The following TLL2 variants were observed in gnomAD, a reference collection of about 807,000 sequenced individuals.
TLL2 encodes the protein tolloid like 2.
TLL2 carries 106 observed loss-of-function variants against 123.0 expected under a neutral mutation model. The observed-to-expected ratio is 0.86, with a 90% CI of 0.74 to 1.01. The LOEUF (loss-of-function observed/expected upper bound fraction) is 1.01, where lower values mean the gene tolerates loss of function less well. Among genes scored for constraint, TLL2 ranks in the 50% least tolerant of loss-of-function variants. The probability of loss-of-function intolerance (pLI) is 0.00; values close to 1 mark genes in which losing one functional copy is unlikely to be tolerated. For synonymous variants in TLL2, 494 were observed against 516.8 expected (o/e 0.96, Z 0.60); for missense variants, 1,332 against 1,336.7 (o/e 1.00, Z 0.06).
Position 96,489,968 on chromosome 10 carries a change from C to T in TLL2, c.176-9509G>A, listed in dbSNP as rs542313900. On this transcript the variant is annotated intron_variant, in intron 1 of 20. Transcript: ENST00000357947. ...AAAATTAGCCAGGCGTGGTTGTGCGCGCCTGTAGTCCCAGCTACTTGGGAG... is the reference window on the plus strand; with the variant it reads ...AAAATTAGCCAGGCGTGGTTGTGCGTGCCTGTAGTCCCAGCTACTTGGGAG... 1.4e-4 allele frequency among the ~76,000 whole-genome samples: 21 copies of T among 151,788 alleles called. No homozygotes were observed. The East Asian group carries it at 3.5e-3, about 25-fold the overall frequency.
intron 2 of TLL2, among the ~76,000 whole-genome samples, chr10:96,447,135 T>C (rs1281651481): frequency 6.6e-6 from 1 of 152,032 alleles, no homozygotes; most frequent in East Asian, 1.9e-4. Flanking sequence ...CATGTGGAGA[T>C]CTGGCCAGAG....
intron 2 of TLL2, among the ~76,000 whole-genome samples, chr10:96,466,734 T>C (rs565498027): frequency 3.9e-4 from 59 of 152,352 alleles, no homozygotes; most frequent in Non-Finnish European, 7.6e-4. Context: ...CTAAGCAGAC[T>C]ATTCTGAAGT....
chr10:96,475,833 T>C (rs1316120352), intron 2 of TLL2, among the ~76,000 whole-genome samples: 5 of 152,156 alleles, frequency 3.3e-5, no homozygotes, highest in South Asian at 2.1e-4. Context: ...AGGGAGATGA[T>C]TGAATTATGG....
At chr10:96,379,783 G>A (rs78820284) in intron 16 of TLL2, among the ~76,000 whole-genome samples, 4,628 of 152,286 alleles carry the variant, frequency 0.03, 204 homozygotes, top group South Asian at 0.087. Flanking sequence ...GATCGCGCCA[G>A]TGCACTCCAG....
At chr10:96,429,912 A>G (rs1362749230) in intron 4 of TLL2, among the ~76,000 whole-genome samples, 1 of 152,226 alleles carries the variant, frequency 6.6e-6, no homozygotes, top group Non-Finnish European at 1.5e-5. Flanking sequence ...ATAGTCAGTC[A>G]GTTCTTTTCA....
intron 1 of TLL2, among the ~76,000 whole-genome samples, chr10:96,492,654 T>A (rs1847425865): frequency 6.6e-6 from 1 of 152,090 alleles, no homozygotes; most frequent in Non-Finnish European, 1.5e-5. Context: ...AGATCTCTTA[T>A]CCAATTCTCC....
chr10:96,506,120 C>T (rs1847575342), intron 1 of TLL2, among the ~76,000 whole-genome samples: 2 of 151,672 alleles, frequency 1.3e-5, no homozygotes, highest in Non-Finnish European at 2.9e-5. Context: ...GGCATGGTGG[C>T]GGGCGTCTGT....
At chr10:96,456,816 C>A (rs1159874219) in intron 2 of TLL2, among the ~76,000 whole-genome samples, 1 of 152,166 alleles carries the variant, frequency 6.6e-6, no homozygotes, top group Non-Finnish European at 1.5e-5. Context: ...CTGCAGGAGA[C>A]ACAAGGCACA....
intron 2 of TLL2, among the ~76,000 whole-genome samples, chr10:96,450,226 T>C (rs2861583): frequency 0.46 from 69,582 of 151,764 alleles, 16,316 homozygotes; most frequent in East Asian, 0.72. Context: ...GTAGGCAGTG[T>C]TTAAAAAGAG....
At position 96,388,174 on chromosome 10, in the gene TLL2, C is replaced by T. The variant is rs1340147078; in HGVS notation, c.1727-1096G>A. Among the ~76,000 whole-genome samples the T allele has an allele frequency of 2.6e-5, 4 of 152,218 alleles. No individual in the cohort carries two copies. In the East Asian group the frequency reaches 7.7e-4, roughly 29 times the overall value. ...ATCACAGCACTTTGGGAGGCTGAGG[C>T]GGGTGGATCACAAGGTCACAAGTTT... On this transcript the variant is annotated intron_variant, in intron 13 of 20. Transcript: ENST00000357947.
chr10:96,419,450 A>G (rs1715089395), intron 7 of TLL2, among the ~76,000 whole-genome samples: 1 of 151,710 alleles, frequency 6.6e-6, no homozygotes, highest in South Asian at 2.1e-4. Context: ...TATGACTAGA[A>G]CCCGGCTTCT....
At chr10:96,381,224 G>A (rs1410131798) in intron 16 of TLL2, among the ~76,000 whole-genome samples, 1 of 150,534 alleles carries the variant, frequency 6.6e-6, no homozygotes, top group Non-Finnish European at 1.5e-5. Flanking sequence ...TCCTCCAGCC[G>A]CCTGGCCCTC....
intron 1 of TLL2, among the ~76,000 whole-genome samples, chr10:96,500,810 G>GGAGGC (rs1847527009): frequency 7.2e-6 from 1 of 139,084 alleles, no homozygotes; most frequent in African/African-American, 2.7e-5. Flanking sequence ...GGGACGGAGG[G>GGAGGC]AGGGAGGGAG....
intron 7 of TLL2, 121 bp from the exon 8 acceptor site, chr10:96,413,437 C>T: frequency 1.6e-6 from 2 of 1,271,606 alleles, no homozygotes; most frequent in South Asian, 1.5e-5. Context: ...CCTGGCCAGC[C>T]TCTCCCAGGC....
intron 4 of TLL2, among the ~76,000 whole-genome samples, chr10:96,429,524 T>G (rs1011971459): frequency 6.6e-6 from 1 of 152,206 alleles, no homozygotes; most frequent in African/African-American, 2.4e-5. Flanking sequence ...TTTCAAAATA[T>G]CCTGGGCTTC....
chr10:96,511,114 C>T (rs976571789), intron 1 of TLL2, among the ~76,000 whole-genome samples: 1 of 152,192 alleles, frequency 6.6e-6, no homozygotes, highest in Admixed American at 6.5e-5. Context: ...AGCTTTGCAG[C>T]CCTGAGGCAG....
chr10:96,502,879 C>G (rs534336641), intron 1 of TLL2, among the ~76,000 whole-genome samples: 58 of 152,228 alleles, frequency 3.8e-4, no homozygotes, highest in Middle Eastern at 6.8e-3. Context: ...GGCAAAGACT[C>G]AGGGCTGAAC....
At chr10:96,385,343 A>T (rs754528697) in intron 15 of TLL2, among the ~76,000 whole-genome samples, 18 of 152,312 alleles carry the variant, frequency 1.2e-4, no homozygotes, top group Non-Finnish European at 2.2e-4. Context: ...GGGTCTTATC[A>T]ATTGCTTTCA....
At chr10:96,453,083 A>T (rs995525322) in intron 2 of TLL2, among the ~76,000 whole-genome samples, 1 of 152,246 alleles carries the variant, frequency 6.6e-6, no homozygotes, top group Non-Finnish European at 1.5e-5. Context: ...GGGAATGCTT[A>T]TACACTCCTG....
Sources: gnomAD v4.1 joint callset for allele counts (sites outside exome capture counted in the v4.1 genomes callset) on GRCh38, gnomAD v4.1.1 for gene constraint, MANE v1.5 for transcripts, NCBI Gene and HGNC (gene_info 2026-07-23, HGNC 2026-07-21) for gene names.